Variants in ACYP2 observed in about 807,000 individuals in gnomAD.
ACYP2 encodes the protein acylphosphatase-2.
ACYP2 carries 12 observed loss-of-function variants against 11.2 expected under a neutral mutation model. The ratio of observed to expected loss-of-function variants is 1.08; its 90% CI spans 0.69 to 1.74. The LOEUF (loss-of-function observed/expected upper bound fraction) is 1.74, where lower values mean the gene tolerates loss of function less well. Ranked by LOEUF, ACYP2 falls within the 40% of genes most tolerant of loss-of-function variation. The pLI is 0.00. For synonymous variants in ACYP2, 43 were observed against 32.2 expected (o/e 1.33, Z -1.13); for missense variants, 134 against 101.9 (o/e 1.31, Z -1.35).
intron 4 of ACYP2, among the ~76,000 whole-genome samples, chr2:54,116,042 C>T (rs1418544874): frequency 6.6e-6 from 1 of 151,904 alleles, no homozygotes; most frequent in East Asian, 1.9e-4. Flanking sequence ...CGGGAGTAAG[C>T]GGCACGGGGG....
At chr2:54,120,677 C>T (rs1680094784) in intron 4 of ACYP2, among the ~76,000 whole-genome samples, 2 of 152,190 alleles carry the variant, frequency 1.3e-5, no homozygotes, top group African/African-American at 2.4e-5. Context: ...CCACTTGGCC[C>T]AGCAGACTGC....
At chr2:54,061,590 A>G (rs1423725421) in intron 4 of ACYP2, among the ~76,000 whole-genome samples, 4 of 152,214 alleles carry the variant, frequency 2.6e-5, no homozygotes, top group Non-Finnish European at 4.4e-5. Flanking sequence ...TGGCTTTAGC[A>G]TAAAAGGGTT....
chr2:54,015,418 G>A (rs932020447), intron 2 of ACYP2, among the ~76,000 whole-genome samples: 1 of 152,176 alleles, frequency 6.6e-6, no homozygotes, highest in African/African-American at 2.4e-5. Flanking sequence ...TGAGGCAGGA[G>A]ACTCGCTTGA....
intron 6 of ACYP2, among the ~76,000 whole-genome samples, chr2:54,174,076 T>C (rs1331605122): frequency 2.0e-5 from 3 of 152,202 alleles, no homozygotes; most frequent in African/African-American, 4.8e-5. Flanking sequence ...AAGAAAGTCA[T>C]TGGTAGCTTG....
At chr2:54,078,775 T>G (rs1042947071) in intron 4 of ACYP2, among the ~76,000 whole-genome samples, 2 of 152,030 alleles carry the variant, frequency 1.3e-5, no homozygotes, top group African/African-American at 4.8e-5. Flanking sequence ...TTTTTCTATT[T>G]TTAGTAGAGA....
intron 6 of ACYP2, among the ~76,000 whole-genome samples, chr2:54,148,144 C>A (rs1018955887): frequency 6.6e-6 from 1 of 151,966 alleles, no homozygotes; most frequent in African/African-American, 2.4e-5. Flanking sequence ...CTTTTCCTGA[C>A]CCACCCCAAA....
At chr2:54,145,060 T>G (rs7586592) in intron 6 of ACYP2, among the ~76,000 whole-genome samples, 1 of 152,076 alleles carries the variant, frequency 6.6e-6, no homozygotes, top group African/African-American at 2.4e-5. Context: ...CTTCCTTGCT[T>G]TCTGGATAGT....
chr2:54,039,655 C>T (rs562391239), intron 2 of ACYP2, among the ~76,000 whole-genome samples: 4 of 152,088 alleles, frequency 2.6e-5, no homozygotes, highest in East Asian at 1.9e-4. Context: ...TCGAACTCCT[C>T]GATCCACCCA....
At chr2:54,105,429 A>G (rs1679103362) in intron 4 of ACYP2, among the ~76,000 whole-genome samples, 1 of 152,040 alleles carries the variant, frequency 6.6e-6, no homozygotes, top group African/African-American at 2.4e-5. Flanking sequence ...ACCTTCCCAG[A>G]CAACCTCTCT....
chr2:54,017,631 T>C (rs528137796), intron 2 of ACYP2, among the ~76,000 whole-genome samples: 46 of 152,304 alleles, frequency 3.0e-4, no homozygotes, highest in Admixed American at 1.6e-3. Flanking sequence ...ATATTTCTGA[T>C]ACTATTGCAT....
chr2:54,096,813 G>A (rs1678615854), intron 4 of ACYP2, among the ~76,000 whole-genome samples: 1 of 125,686 alleles, frequency 8.0e-6, no homozygotes, highest in Non-Finnish European at 1.8e-5. Flanking sequence ...GGCATCAGAG[G>A]GAGACCGTGG....
chr2:53,972,117 G>A (rs1671169489), intron 1 of ACYP2, among the ~76,000 whole-genome samples: 1 of 151,882 alleles, frequency 6.6e-6, no homozygotes, highest in African/African-American at 2.4e-5. Context: ...AGACCAGTCT[G>A]GCCAACATGG....
At chr2:54,127,916 T>C (rs1075264) in intron 4 of ACYP2, among the ~76,000 whole-genome samples, 75,889 of 152,008 alleles carry the variant, frequency 0.5, 19,241 homozygotes, top group African/African-American at 0.58. Context: ...ATGGAAAAAA[T>C]AAACTTTGTT....
Position 54,060,691 on chromosome 2 carries a change from T to C in ACYP2, c.277+3331T>C, listed in dbSNP as rs570412870. On this transcript the variant is annotated intron_variant, in intron 4 of 6. Coordinates refer to ENST00000607452, the MANE Select transcript of ACYP2 (RefSeq NM_001320586.2). ...TTTTATCAGATTCTCTAGCCACCCA[T>C]GTGTAGTCATAAGGCATGAAATGCT... Among the ~76,000 whole-genome samples the C allele has an allele frequency of 3.9e-5, 6 of 152,374 alleles. No homozygotes were observed. In the East Asian group the frequency reaches 1.2e-3, roughly 29 times the overall value.
intron 2 of ACYP2, chr2:53,973,837 T>C (rs1040336877): frequency 3.6e-6 from 1 of 274,078 alleles, no homozygotes; most frequent in Non-Finnish European, 6.8e-6. Context: ...GAGGGATTTT[T>C]GAATGTGGGA....
intron 6 of ACYP2, among the ~76,000 whole-genome samples, chr2:54,179,112 G>A (rs1683596089): frequency 6.6e-6 from 1 of 151,974 alleles, no homozygotes; most frequent in Non-Finnish European, 1.5e-5. Flanking sequence ...TATTTAATAA[G>A]CACATTAAGG....
intron 6 of ACYP2, among the ~76,000 whole-genome samples, chr2:54,222,677 A>C (rs1685849538): frequency 6.6e-6 from 1 of 152,166 alleles, no homozygotes; most frequent in Non-Finnish European, 1.5e-5. Context: ...CTACATATAA[A>C]TTAGCTCAGA....
At chr2:54,223,073 C>G (rs980291917) in intron 6 of ACYP2, 1 of 152,186 alleles carries the variant, frequency 6.6e-6, no homozygotes, top group Non-Finnish European at 1.5e-5. Context: ...TACCCTCAAG[C>G]TGGAGTGTCA....
At chr2:54,058,237 G>C (rs1676262273) in intron 4 of ACYP2, among the ~76,000 whole-genome samples, 1 of 149,758 alleles carries the variant, frequency 6.7e-6, no homozygotes, top group Admixed American at 6.7e-5. Flanking sequence ...TTTGGGGGCA[G>C]GGTTATCAGT....
Sources: gnomAD v4.1 joint callset for allele counts (sites outside exome capture counted in the v4.1 genomes callset) on GRCh38, gnomAD v4.1.1 for gene constraint, MANE v1.5 for transcripts, NCBI Gene and HGNC (gene_info 2026-07-23, HGNC 2026-07-21) for gene names.